Variants in FHIT observed in about 807,000 individuals in gnomAD.
FHIT encodes fragile histidine triad diadenosine triphosphatase, also known as bis(5'-adenosyl)-triphosphatase.
FHIT carries 19 observed loss-of-function variants against 17.9 expected under a neutral mutation model. The ratio of observed to expected loss-of-function variants is 1.06; its 90% CI spans 0.74 to 1.56. The LOEUF is 1.56. FHIT is among the 40% of genes most tolerant of loss of function. The pLI, the probability that FHIT is intolerant of heterozygous loss-of-function variation, is 0.00. For synonymous variants in FHIT, 81 were observed against 69.7 expected, an observed-to-expected ratio of 1.16 and a Z score of -0.81; for missense variants, 248 against 189.2, an observed-to-expected ratio of 1.31 and a Z score of -1.82.
chr3:59,824,969 C>T (rs1700924854), intron 8 of FHIT, among the ~76,000 whole-genome samples: 1 of 152,172 alleles, frequency 6.6e-6, no homozygotes, highest in South Asian at 2.1e-4. Flanking sequence ...TTAGGATTCT[C>T]CAGCTACTTC....
chr3:60,255,724 A>C (rs1202491315), intron 5 of FHIT, among the ~76,000 whole-genome samples: 2 of 152,304 alleles, frequency 1.3e-5, no homozygotes, highest in African/African-American at 4.8e-5. Context: ...AGGAGGAACC[A>C]TGAGACATTA....
At chr3:60,122,111 T>C (rs1239719517) in intron 5 of FHIT, among the ~76,000 whole-genome samples, 4 of 149,802 alleles carry the variant, frequency 2.7e-5, no homozygotes, top group Non-Finnish European at 4.4e-5. Flanking sequence ...AAATTGCAAC[T>C]AAAAAAAAAC....
chr3:61,209,082 G>A (rs1423893389), intron 1 of FHIT, among the ~76,000 whole-genome samples: 1 of 151,964 alleles, frequency 6.6e-6, no homozygotes, highest in African/African-American at 2.4e-5. Context: ...ATGAAGCTTA[G>A]TTTGGCTGGA....
chr3:61,000,852 C>T (rs1372704716), intron 3 of FHIT, among the ~76,000 whole-genome samples: 1 of 152,140 alleles, frequency 6.6e-6, no homozygotes, highest in African/African-American at 2.4e-5. Flanking sequence ...CAGCCCCAGC[C>T]CCTACTCTAC....
intron 5 of FHIT, among the ~76,000 whole-genome samples, chr3:60,443,996 GA>G (rs1002925643): frequency 6.6e-6 from 1 of 151,838 alleles, no homozygotes; most frequent in Non-Finnish European, 1.5e-5. Flanking sequence ...AAATTTACAA[GA>G]AAAAAACAAA....
chr3:60,247,973 C>T (rs17062608), intron 5 of FHIT, among the ~76,000 whole-genome samples: 3,269 of 152,098 alleles, frequency 0.021, 105 homozygotes, highest in African/African-American at 0.071. Flanking sequence ...ATGGAGCCTT[C>T]GAGGAGAAAA....
At chr3:59,770,703 C>T (rs1050185353) in intron 8 of FHIT, among the ~76,000 whole-genome samples, 1 of 152,140 alleles carries the variant, frequency 6.6e-6, no homozygotes, top group African/African-American at 2.4e-5. Context: ...CAGCCCTAGC[C>T]CTCTAATACA....
intron 4 of FHIT, among the ~76,000 whole-genome samples, chr3:60,667,829 C>T (rs370347672): frequency 9.1e-4 from 139 of 152,248 alleles, no homozygotes; most frequent in African/African-American, 3.0e-3. Context: ...CTAATTTTCA[C>T]AGACTTTGAG....
At chr3:61,044,395 C>A (rs1175381084) in intron 2 of FHIT, among the ~76,000 whole-genome samples, 3 of 151,900 alleles carry the variant, frequency 2.0e-5, no homozygotes, top group Non-Finnish European at 4.4e-5. Context: ...GATTGAAGAC[C>A]AAATGAATGA....
At chr3:60,317,611 TTA>T (rs1031177842) in intron 5 of FHIT, among the ~76,000 whole-genome samples, 3 of 139,862 alleles carry the variant, frequency 2.1e-5, no homozygotes, top group Non-Finnish European at 4.6e-5. Flanking sequence ...TAATATGTAA[TTA>T]TATATGTGTG....
chr3:60,782,681 A>G (rs1276457599), intron 4 of FHIT, among the ~76,000 whole-genome samples: 1 of 152,204 alleles, frequency 6.6e-6, no homozygotes, highest in Non-Finnish European at 1.5e-5. Flanking sequence ...TATAAAAAAT[A>G]CCACAAACTG....
intron 2 of FHIT, among the ~76,000 whole-genome samples, chr3:61,184,896 G>A (rs2038457940): frequency 6.6e-6 from 1 of 152,150 alleles, no homozygotes; most frequent in South Asian, 2.1e-4. Context: ...ACATACTTAG[G>A]AGTGAATCTA....
chr3:61,066,546 C>T (rs1283113808), intron 2 of FHIT, among the ~76,000 whole-genome samples: 1 of 152,126 alleles, frequency 6.6e-6, no homozygotes, highest in African/African-American at 2.4e-5. Context: ...ACCTAGGAGG[C>T]AAAGGTTGCA....
intron 5 of FHIT, among the ~76,000 whole-genome samples, chr3:60,419,594 T>G (rs938747149): frequency 2.0e-5 from 3 of 152,204 alleles, no homozygotes; most frequent in African/African-American, 7.2e-5. Flanking sequence ...GCTCATTGAC[T>G]TTTGCTCTTG....
intron 5 of FHIT, among the ~76,000 whole-genome samples, chr3:60,357,808 TCA>T (rs1226180768): frequency 7.4e-6 from 1 of 135,438 alleles, no homozygotes; most frequent in East Asian, 2.2e-4. Flanking sequence ...CAACGCTTAA[TCA>T]CATGGCCATC....
chr3:59,990,785 A>G (rs188573139), intron 7 of FHIT, among the ~76,000 whole-genome samples: 71 of 152,228 alleles, frequency 4.7e-4, no homozygotes, highest in South Asian at 1.7e-3. Context: ...ATGACACTTA[A>G]GTGATCTACT....
intron 5 of FHIT, among the ~76,000 whole-genome samples, chr3:60,475,627 C>T (rs1230273882): frequency 6.6e-6 from 1 of 152,170 alleles, no homozygotes; most frequent in Non-Finnish European, 1.5e-5. Flanking sequence ...CACTTTGATA[C>T]CTGTCAACTT....
chr3:59,913,300 G>C (rs754184321), intron 8 of FHIT, among the ~76,000 whole-genome samples: 1 of 152,064 alleles, frequency 6.6e-6, no homozygotes, highest in Non-Finnish European at 1.5e-5. Context: ...TAAGAAAATC[G>C]CTTTTCTCCC....
chr3:59,961,427 C>T (rs1707675524), intron 7 of FHIT, among the ~76,000 whole-genome samples: 1 of 152,092 alleles, frequency 6.6e-6, no homozygotes, highest in South Asian at 2.1e-4. Flanking sequence ...CTTTATTATG[C>T]CTTTTGAATT....
Sources: gnomAD v4.1 joint callset for allele counts (sites outside exome capture counted in the v4.1 genomes callset) on GRCh38, gnomAD v4.1.1 for gene constraint, MANE v1.5 for transcripts, NCBI Gene and HGNC (gene_info 2026-07-23, HGNC 2026-07-21) for gene names.